Variants in COL6A5 observed in about 807,000 individuals in gnomAD.
COL6A5 encodes the protein collagen alpha-5(VI) chain.
A neutral mutation model predicts 65.6 loss-of-function variants in COL6A5; 48 were observed. The ratio of observed to expected loss-of-function variants is 0.73; its 90% CI spans 0.58 to 0.93. The LOEUF (loss-of-function observed/expected upper bound fraction) is 0.93, where lower values mean the gene tolerates loss of function less well. COL6A5 is among the 40% of genes least tolerant of loss of function. COL6A5 has a pLI of 0.00. For synonymous variants in COL6A5, 291 were observed against 322.8 expected (o/e 0.90, Z 1.05); for missense variants, 914 against 928.3 (o/e 0.98, Z 0.20).
chr3:130,415,196 G>T (rs576061457), intron 22 of COL6A5, among the ~76,000 whole-genome samples: 9 of 152,178 alleles, frequency 5.9e-5, no homozygotes, highest in African/African-American at 2.2e-4. Context: ...TGGCAAATAT[G>T]GCAGAAAAAT....
Position 130,376,258 on chromosome 3 carries a change from A to T in COL6A5, c.89A>T (p.Asp30Val), listed in dbSNP as rs746459908. ...ATAGGGCCAGGCCCTGTGTATGCAG[A>T]TGTCGTGTTTCTGGTGGACAGCTCC... The change falls in exon 3 of 42, where the codon GAT becomes GTT. Residue 30 changes from aspartate (D) to valine (V), a missense_variant and NMD_transcript_variant. Coordinates refer to the COL6A5 transcript ENST00000312481. The T allele has an allele frequency of 4.4e-6, 7 of 1,607,398 alleles. No individual in the cohort carries two copies. Among genetic ancestry groups the T allele is most frequent in the East Asian group, 2.2e-5 (1 of 44,856 alleles).
intron 17 of COL6A5, among the ~76,000 whole-genome samples, chr3:130,408,931 C>T (rs376738097): frequency 1.3e-5 from 2 of 152,188 alleles, no homozygotes; most frequent in East Asian, 3.9e-4. Flanking sequence ...CCACTAACCA[C>T]ATGTGATTAT....
chr3:130,427,601 C>T (rs184897288), upstream of COL6A5, among the ~76,000 whole-genome samples: 1 of 152,054 alleles, frequency 6.6e-6, no homozygotes, highest in East Asian at 1.9e-4. Flanking sequence ...AAACGATCGA[C>T]CCCAGTGAAA....
intron 7 of COL6A5, among the ~76,000 whole-genome samples, chr3:130,481,079 G>C (rs539302578): frequency 1.1e-4 from 17 of 151,712 alleles, no homozygotes; most frequent in Non-Finnish European, 1.6e-4. Flanking sequence ...TAAGTTCTGG[G>C]ATACATGTAT....
chr3:130,376,985 C>A, intron 3 of COL6A5, 149 bp downstream of exon 3: 1 of 897,620 alleles, frequency 1.1e-6, no homozygotes, highest in Non-Finnish European at 1.6e-6. Flanking sequence ...TCGCTTCTGC[C>A]TTTGCTTGTG....
intron 1 of COL6A5, among the ~76,000 whole-genome samples, chr3:130,371,550 G>A (rs1194308432): frequency 2.6e-5 from 4 of 151,860 alleles, no homozygotes; most frequent in Admixed American, 6.5e-5. Context: ...TTTGATGAGG[G>A]TGTGAAGACA....
exon 3 of COL6A5, chr3:130,440,204 T>G (rs762887322): frequency 2.5e-6 from 4 of 1,612,914 alleles, no homozygotes; most frequent in Non-Finnish European, 3.4e-6. Context: ...AGAGGCTTTC[T>G]TACCTGAAGA....
intron 5 of COL6A5, among the ~76,000 whole-genome samples, chr3:130,460,282 G>A (rs1709674055): frequency 1.3e-5 from 2 of 152,074 alleles, no homozygotes; most frequent in African/African-American, 4.8e-5. Context: ...GTTGCTCTTT[G>A]TGGAATAAAC....
chr3:130,424,482 GTCTC>G, intron 29 of COL6A5, among the ~76,000 whole-genome samples: 1 of 152,074 alleles, frequency 6.6e-6, no homozygotes, highest in Non-Finnish European at 1.5e-5. Context: ...TTACATGTCT[GTCTC>G]TCCTAACAAG....
At chr3:130,405,605 A>G (rs1023676213) in exon 14 of COL6A5, 25 of 1,550,864 alleles carry the variant, frequency 1.6e-5, no homozygotes, top group Middle Eastern at 3.3e-4. Context: ...GAGGAGACAC[A>G]GGACCCCAAG....
At chr3:130,399,966 A>G (rs550804561) in intron 10 of COL6A5, among the ~76,000 whole-genome samples, 2 of 148,480 alleles carry the variant, frequency 1.3e-5, no homozygotes, top group East Asian at 2.1e-4. Flanking sequence ...CATGTTGTTG[A>G]CCAGTTCGCT....
In COL6A5 at chr3:130,442,842, G is replaced by A. The variant is rs114486684; in HGVS notation, c.1242-634G>A. Among the ~76,000 whole-genome samples the A allele has an allele frequency of 2.4e-3, 368 of 152,316 alleles. 2 individuals are homozygous for A. The highest frequency in any genetic ancestry group is 3.4e-3 in the Middle Eastern group (1 of 294). On this transcript the variant is annotated intron_variant, in intron 3 of 7. Coordinates refer to ENST00000512836, the Ensembl canonical transcript of COL6A5. ...TATTATAAAACTACAGATGTTATTTGAGATATTTTCATAGATCCTTGGATC... is the reference window on the plus strand; with the variant it reads ...TATTATAAAACTACAGATGTTATTTAAGATATTTTCATAGATCCTTGGATC...
At chr3:130,374,464 A>G (rs781155361) in intron 2 of COL6A5, among the ~76,000 whole-genome samples, 3 of 151,814 alleles carry the variant, frequency 2.0e-5, no homozygotes, top group Non-Finnish European at 4.4e-5. Flanking sequence ...TTATAATCGT[A>G]TTTTTTTGAG....
Position 130,410,093 on chromosome 3 carries a change from T to A in COL6A5, c.4608+19T>A, listed in dbSNP as rs757776397. ...AAGACAAGTAATTTGATCTGTTTTA[T>A]CTATGAGTTGATTAATTCTGTTATT... is the stretch of plus-strand genomic sequence containing the variant. On this transcript the variant is annotated intron_variant and NMD_transcript_variant, in intron 19 of 41. Coordinates refer to the COL6A5 transcript ENST00000312481. 6.6e-7 allele frequency: 1 copy of A among 1,510,912 alleles called. No individual in the cohort carries two copies. Among genetic ancestry groups the A allele is most frequent in the Non-Finnish European group, 9.0e-7 (1 of 1,112,634 alleles). The allele number at this position is 1,510,912 out of a possible 1,614,324, so 93.6% of individuals were successfully genotyped here.
At chr3:130,418,391 G>A (rs1409466243) in intron 24 of COL6A5, among the ~76,000 whole-genome samples, 4 of 151,752 alleles carry the variant, frequency 2.6e-5, no homozygotes, top group South Asian at 2.1e-4. Context: ...CTTTCCTTTC[G>A]GCAGCCTCCT....
chr3:130,422,604 C>T (rs1191682127), intron 27 of COL6A5, 116 bp from the exon 28 acceptor site: 1 of 648,824 alleles, frequency 1.5e-6, no homozygotes, highest in African/African-American at 1.9e-5. Flanking sequence ...TTGTATTGGC[C>T]TTCATTAATG....
intron 4 of COL6A5, among the ~76,000 whole-genome samples, chr3:130,449,819 T>C (rs1001226770): frequency 2.0e-5 from 3 of 152,110 alleles, no homozygotes; most frequent in Non-Finnish European, 4.4e-5. Flanking sequence ...AACAGGAACC[T>C]TGGCAGACAC....
At chr3:130,402,946 T>G (rs1269760903) in intron 12 of COL6A5, among the ~76,000 whole-genome samples, 1 of 152,204 alleles carries the variant, frequency 6.6e-6, no homozygotes, top group African/African-American at 2.4e-5. Flanking sequence ...CAATTTATAT[T>G]GAACTTTTTA....
At chr3:130,372,308 C>T (rs1368922648) in intron 1 of COL6A5, among the ~76,000 whole-genome samples, 1 of 152,022 alleles carries the variant, frequency 6.6e-6, no homozygotes. Context: ...TATTTCACTC[C>T]TAGGTACCTA....
Sources: gnomAD v4.1 joint callset for allele counts (sites outside exome capture counted in the v4.1 genomes callset) on GRCh38, gnomAD v4.1.1 for gene constraint, MANE v1.5 for transcripts, NCBI Gene and HGNC (gene_info 2026-07-23, HGNC 2026-07-21) for gene names.